Variants in PKP4 observed in about 807,000 individuals in gnomAD.
The protein encoded by PKP4 is plakophilin 4.
PKP4 carries 90 observed loss-of-function variants against 145.1 expected under a neutral mutation model. The ratio of observed to expected loss-of-function variants is 0.62; its 90% CI spans 0.52 to 0.74. The LOEUF (loss-of-function observed/expected upper bound fraction) is 0.74. Among genes scored for constraint, PKP4 ranks in the 30% least tolerant of loss-of-function variants. The pLI, the probability that PKP4 is intolerant of heterozygous loss-of-function variation, is 0.00. For missense variants in PKP4, 1,340 were observed against 1,482.7 expected, an observed-to-expected ratio of 0.90 and a Z score of 1.58; for synonymous variants, 563 against 577.2, an observed-to-expected ratio of 0.98 and a Z score of 0.35.
At chr2:158,609,017 A>G (rs1273739580) in intron 4 of PKP4, among the ~76,000 whole-genome samples, 6 of 151,572 alleles carry the variant, frequency 4.0e-5, no homozygotes, top group Non-Finnish European at 5.9e-5. Context: ...GGGTTTTGAC[A>G]TATTGGCCAG....
intron 10 of PKP4, 43 bp downstream of exon 10, chr2:158,640,802 T>G (rs1484445511): frequency 6.2e-7 from 1 of 1,608,488 alleles, no homozygotes; most frequent in Admixed American, 1.7e-5. Context: ...AAATAATGCC[T>G]TTGCATTTAA....
chr2:158,529,542 G>T (rs2043323508), intron 1 of PKP4, among the ~76,000 whole-genome samples: 1 of 152,188 alleles, frequency 6.6e-6, no homozygotes, highest in African/African-American at 2.4e-5. Flanking sequence ...CTGTTAATGT[G>T]CTGCCCTTAT....
At position 158,603,109 on chromosome 2, in the gene PKP4, G is replaced by T; in HGVS notation, c.280+5G>T. On this transcript the variant is annotated splice_donor_5th_base_variant and intron_variant, in intron 4 of 21. Coordinates refer to ENST00000389759, the MANE Select transcript of PKP4 (RefSeq NM_003628.6). The stretch of plus-strand genomic sequence containing the variant: ...CATTTCCTTGGAGATCAACAGGTAT[G>T]TTTTTTATTATATAAAAGTTATGTT... 1 of 1,449,972 alleles carries T rather than the reference G, an allele frequency of 6.9e-7. No individual in the cohort carries two copies. The highest frequency in any genetic ancestry group is 9.4e-7 in the Non-Finnish European group (1 of 1,064,656). 89.8% of individuals were successfully genotyped at this position (1,449,972 alleles called of 1,614,324 possible). A position where few individuals can be genotyped will look rare whatever the true frequency, so the allele number is the denominator to read the frequency against.
chr2:158,577,860 C>G (rs1288771861), intron 3 of PKP4, among the ~76,000 whole-genome samples: 1 of 152,072 alleles, frequency 6.6e-6, no homozygotes, highest in Non-Finnish European at 1.5e-5. Context: ...TTACTGTACT[C>G]ACATACAGTA....
intron 1 of PKP4, among the ~76,000 whole-genome samples, chr2:158,508,371 A>AAG (rs1375586380): frequency 2.3e-5 from 1 of 43,796 alleles, no homozygotes; most frequent in East Asian, 1.7e-3. Context: ...CGTCTCAAAA[A>AAG]AAAAAAAAAA....
intron 1 of PKP4, among the ~76,000 whole-genome samples, chr2:158,489,351 G>GTTTGTGT (rs1221352589): frequency 1.3e-5 from 2 of 152,150 alleles, no homozygotes; most frequent in Non-Finnish European, 2.9e-5. Context: ...ATCATTTCAA[G>GTTTGTGT]TTTGTGTCCC....
intron 4 of PKP4, among the ~76,000 whole-genome samples, chr2:158,611,023 C>T (rs1449304107): frequency 6.6e-6 from 1 of 151,922 alleles, no homozygotes. Flanking sequence ...AATTAGAGGC[C>T]AAAAAAGATT....
intron 7 of PKP4, among the ~76,000 whole-genome samples, chr2:158,631,193 G>A (rs1006141607): frequency 2.0e-5 from 3 of 152,044 alleles, no homozygotes; most frequent in African/African-American, 7.2e-5. Flanking sequence ...ACCCTCCTCG[G>A]CTTCCCAAAG....
At position 158,662,911 on chromosome 2, in the gene PKP4, C is replaced by A. The variant is rs139331912; in HGVS notation, c.2226C>A (p.Cys742Ter). 2 of 1,604,324 alleles carry A rather than the reference C, an allele frequency of 1.2e-6. 1 individual carries two copies. Among genetic ancestry groups the A allele is most frequent in the South Asian group, 2.2e-5 (2 of 89,950 alleles). The change falls in exon 14 of 22, where the codon TGC (cysteine) becomes TGA (stop). Residue 742 changes from cysteine (C) to a stop codon, truncating the protein, a stop_gained. Coordinates refer to ENST00000389759, the MANE Select transcript of PKP4 (RefSeq NM_003628.6). LOFTEE classifies it high-confidence loss of function. ...CTGGGTTTCAGACGGTGGAGAACTGCGTGTGCACCCTGAGGAACCTGTCCT... is the reference window on the plus strand; with the variant it reads ...CTGGGTTTCAGACGGTGGAGAACTGAGTGTGCACCCTGAGGAACCTGTCCT... ...SDYDSKTVEN[C>*]VCTLRNLSYR... is the part of the protein sequence containing the mutation.
At chr2:158,674,489 G>A (rs777744056) in intron 19 of PKP4, among the ~76,000 whole-genome samples, 1 of 152,206 alleles carries the variant, frequency 6.6e-6, no homozygotes, top group African/African-American at 2.4e-5. Flanking sequence ...TCCGCAACCT[G>A]GGAGAGCTGC....
At chr2:158,513,500 G>C (rs963093773) in intron 1 of PKP4, among the ~76,000 whole-genome samples, 1 of 152,176 alleles carries the variant, frequency 6.6e-6, no homozygotes, top group African/African-American at 2.4e-5. Flanking sequence ...AGGGAGAGAA[G>C]AATCATTCTT....
intron 4 of PKP4, among the ~76,000 whole-genome samples, chr2:158,611,846 T>C (rs1193979305): frequency 6.6e-6 from 1 of 152,186 alleles, no homozygotes; most frequent in Admixed American, 6.5e-5. Context: ...TAAGAATTTC[T>C]TTTAAAATCA....
intron 1 of PKP4, among the ~76,000 whole-genome samples, chr2:158,508,486 T>C (rs2041212582): frequency 2.6e-5 from 4 of 152,086 alleles, no homozygotes; most frequent in Admixed American, 2.6e-4. Flanking sequence ...TTTGTAATAG[T>C]TTATAATTGA....
At chr2:158,536,819 C>T (rs1297099441) in intron 2 of PKP4, among the ~76,000 whole-genome samples, 1 of 152,202 alleles carries the variant, frequency 6.6e-6, no homozygotes, top group Non-Finnish European at 1.5e-5. Flanking sequence ...TGTTCAAACG[C>T]TGCGTTTTTG....
At chr2:158,522,618 G>C (rs957874312) in intron 1 of PKP4, among the ~76,000 whole-genome samples, 3 of 150,534 alleles carry the variant, frequency 2.0e-5, no homozygotes, top group African/African-American at 4.9e-5. Flanking sequence ...GAGACCTGGA[G>C]GGGGAGGAGC....
At chr2:158,535,006 A>G (rs1574349964) in intron 2 of PKP4, among the ~76,000 whole-genome samples, 1 of 152,306 alleles carries the variant, frequency 6.6e-6, no homozygotes, top group South Asian at 2.1e-4. Context: ...ATTGGAGTTC[A>G]TTAATATATA....
chr2:158,522,620 G>A (rs1161985362), intron 1 of PKP4, among the ~76,000 whole-genome samples: 1 of 152,162 alleles, frequency 6.6e-6, no homozygotes, highest in Non-Finnish European at 1.5e-5. Flanking sequence ...GACCTGGAGG[G>A]GGAGGAGCCA....
intron 1 of PKP4, among the ~76,000 whole-genome samples, chr2:158,521,175 G>T (rs531529286): frequency 1.3e-5 from 2 of 152,068 alleles, no homozygotes; most frequent in Non-Finnish European, 2.9e-5. Context: ...CCAAGGAGTG[G>T]TTCCCATTTA....
At chr2:158,657,564 A>G (rs1440666577) in intron 11 of PKP4, among the ~76,000 whole-genome samples, 5 of 152,246 alleles carry the variant, frequency 3.3e-5, no homozygotes, top group Admixed American at 6.5e-5. Context: ...TGAAGCAAAT[A>G]TAACAAACAT....
Sources: gnomAD v4.1 joint callset for allele counts (sites outside exome capture counted in the v4.1 genomes callset) on GRCh38, gnomAD v4.1.1 for gene constraint, MANE v1.5 for transcripts, NCBI Gene and HGNC (gene_info 2026-07-23, HGNC 2026-07-21) for gene names.